The following TMEM117 variants were observed in gnomAD, a reference collection of about 807,000 sequenced individuals.
TMEM117 encodes transmembrane protein 117.
A neutral mutation model predicts 52.4 loss-of-function variants in TMEM117; 27 were observed. The observed-to-expected ratio is 0.51, with a 90% CI of 0.38 to 0.71. The LOEUF (loss-of-function observed/expected upper bound fraction) is 0.71. Among genes scored for constraint, TMEM117 ranks in the 30% least tolerant of loss-of-function variants. The pLI, the probability that TMEM117 is intolerant of heterozygous loss-of-function variation, is 0.00. For synonymous variants in TMEM117, 215 were observed against 206.3 expected, an observed-to-expected ratio of 1.04 and a Z score of -0.36; for missense variants, 556 against 630.5, an observed-to-expected ratio of 0.88 and a Z score of 1.26.
At position 43,910,317 on chromosome 12, in the gene TMEM117, A is replaced by G. The variant is rs1223644460; in HGVS notation, c.278-33893A>G. 1.1e-4 allele frequency among the ~76,000 whole-genome samples: 16 copies of G among 147,434 alleles called. 1 individual carries two copies. The highest frequency in any genetic ancestry group is 8.9e-4 in the Admixed American group (13 of 14,544). ...CAACCCTTCATGCTAAAAACTCTCA[A>G]TAAATTAGGTATTGATGGGACGTAT... On this transcript the variant is annotated intron_variant, in intron 2 of 7. Coordinates refer to ENST00000266534, the MANE Select transcript of TMEM117 (RefSeq NM_032256.3).
chr12:43,961,385 C>CT (rs202134666), intron 3 of TMEM117, among the ~76,000 whole-genome samples: 1,767 of 152,050 alleles, frequency 0.012, 40 homozygotes, highest in East Asian at 0.07. Context: ...ATACAAAATG[C>CT]CCAAATGAAT....
chr12:44,310,828 T>G (rs190719937), intron 6 of TMEM117, among the ~76,000 whole-genome samples: 32 of 152,278 alleles, frequency 2.1e-4, no homozygotes, highest in Admixed American at 2.0e-3. Flanking sequence ...TGCTTAAAAA[T>G]GCAGATTCTT....
At chr12:43,827,774 T>G in the TMEM117 span, among the ~76,000 whole-genome samples, 3 of 152,310 alleles carry the variant, frequency 2.0e-5, no homozygotes, top group Admixed American at 2.0e-4. Context: ...AACCTCAGAA[T>G]GTGATCTTAT....
At chr12:43,842,026 A>T (rs979930802) in intron 1 of TMEM117, among the ~76,000 whole-genome samples, 3 of 152,074 alleles carry the variant, frequency 2.0e-5, no homozygotes, top group African/African-American at 7.2e-5. Flanking sequence ...TATGGGAACT[A>T]TTTCTTTTTC....
intron 4 of TMEM117, among the ~76,000 whole-genome samples, chr12:44,199,523 T>A (rs936403744): frequency 7.2e-5 from 11 of 152,156 alleles, no homozygotes; most frequent in Non-Finnish European, 1.6e-4. Context: ...TGAAATTGAA[T>A]AAAATATCAA....
At chr12:44,238,613 C>G (rs1041284965) in intron 5 of TMEM117, among the ~76,000 whole-genome samples, 2 of 151,988 alleles carry the variant, frequency 1.3e-5, no homozygotes, top group Non-Finnish European at 2.9e-5. Flanking sequence ...CCACTACACT[C>G]CAGCCTAGGG....
intron 2 of TMEM117, among the ~76,000 whole-genome samples, chr12:43,859,450 G>A (rs1485717309): frequency 6.6e-6 from 1 of 152,120 alleles, no homozygotes; most frequent in African/African-American, 2.4e-5. Context: ...GGAAGCCATG[G>A]AGCATATCTC....
intron 3 of TMEM117, among the ~76,000 whole-genome samples, chr12:44,018,559 G>C (rs1251886726): frequency 1.3e-5 from 2 of 152,010 alleles, no homozygotes; most frequent in African/African-American, 4.8e-5. Flanking sequence ...TTTTTGCACT[G>C]TTTATTCCAT....
rs1952061903 is a variant in TMEM117 at position 44,384,473 on chromosome 12, G to A, written c.899-3553G>A. Reference sequence around the variant, plus strand: ...GGGAGAGGTAGGGACACGATCCCCTGTTTTTTAGTCTCAAAATTCATAGAT... The same window carrying A: ...GGGAGAGGTAGGGACACGATCCCCTATTTTTTAGTCTCAAAATTCATAGAT... On this transcript the variant is annotated intron_variant, in intron 7 of 7. Transcript: ENST00000266534. Among the ~76,000 whole-genome samples, 4 of 151,936 alleles carry A rather than the reference G, an allele frequency of 2.6e-5. No homozygotes were observed. The South Asian group carries it at 8.3e-4, about 32-fold the overall frequency.
chr12:44,348,534 G>A (rs1415306727), intron 6 of TMEM117, among the ~76,000 whole-genome samples: 1 of 151,926 alleles, frequency 6.6e-6, no homozygotes, highest in Non-Finnish European at 1.5e-5. Context: ...GTGCCTAGCA[G>A]GTGATGGCAT....
At position 44,002,412 on chromosome 12, in the gene TMEM117, G is replaced by A. The variant is rs558092017; in HGVS notation, c.410+58070G>A. 1.6e-4 allele frequency among the ~76,000 whole-genome samples: 24 copies of A among 152,158 alleles called. No individual in the cohort carries two copies. In the South Asian group the frequency reaches 4.8e-3, roughly 30 times the overall value. On this transcript the variant is annotated intron_variant, in intron 3 of 7. Transcript: ENST00000266534. ...TTGCTACCAAACTCAGAGTCCCTCT[G>A]AAGTGTCTGCTGCAGCTCTCGGGTT...
intron 7 of TMEM117, among the ~76,000 whole-genome samples, chr12:44,379,741 C>CA (rs1287950126): frequency 2.0e-5 from 3 of 152,176 alleles, no homozygotes; most frequent in African/African-American, 7.2e-5. Flanking sequence ...CAATAGTTAG[C>CA]AGCCTACAAA....
At chr12:44,234,845 A>C (rs1313590711) in intron 5 of TMEM117, among the ~76,000 whole-genome samples, 2 of 151,526 alleles carry the variant, frequency 1.3e-5, no homozygotes, top group African/African-American at 4.8e-5. Flanking sequence ...ATTTGTCAAG[A>C]CATACTTTAT....
At chr12:43,991,785 C>G (rs574607206) in intron 3 of TMEM117, among the ~76,000 whole-genome samples, 7 of 152,138 alleles carry the variant, frequency 4.6e-5, no homozygotes, top group Non-Finnish European at 7.3e-5. Context: ...TCCATACTAT[C>G]ATCTTAAATG....
At chr12:44,127,946 G>A (rs1297797811) in intron 3 of TMEM117, among the ~76,000 whole-genome samples, 1 of 152,162 alleles carries the variant, frequency 6.6e-6, no homozygotes, top group African/African-American at 2.4e-5. Context: ...TTCATCATCT[G>A]CTGGTTCTGT....
At chr12:44,363,551 T>A (rs1290228660) in intron 6 of TMEM117, among the ~76,000 whole-genome samples, 1 of 152,216 alleles carries the variant, frequency 6.6e-6, no homozygotes, top group Non-Finnish European at 1.5e-5. Context: ...ACTACTGACT[T>A]GAAAAAGAAA....
chr12:44,049,833 A>T (rs1034537707), intron 3 of TMEM117, among the ~76,000 whole-genome samples: 1 of 152,202 alleles, frequency 6.6e-6, no homozygotes, highest in African/African-American at 2.4e-5. Flanking sequence ...ATAGTTTTTC[A>T]ATTGGAGAGA....
intron 4 of TMEM117, among the ~76,000 whole-genome samples, chr12:44,207,876 A>T (rs1791972720): frequency 6.6e-6 from 1 of 151,936 alleles, no homozygotes; most frequent in African/African-American, 2.4e-5. Flanking sequence ...AATAGTGCAC[A>T]TAATGGTATA....
intron 3 of TMEM117, among the ~76,000 whole-genome samples, chr12:44,037,150 C>A (rs1365855773): frequency 1.3e-5 from 2 of 152,080 alleles, no homozygotes; most frequent in East Asian, 3.9e-4. Context: ...GGTGAAGCTG[C>A]AGCCACCCAA....
Sources: gnomAD v4.1 joint callset for allele counts (sites outside exome capture counted in the v4.1 genomes callset) on GRCh38, gnomAD v4.1.1 for gene constraint, MANE v1.5 for transcripts, NCBI Gene and HGNC (gene_info 2026-07-23, HGNC 2026-07-21) for gene names.